PNLIPRP1: variants seen among roughly 807,000 people sequenced by gnomAD.
PNLIPRP1 encodes the protein inactive pancreatic lipase-related protein 1.
A neutral mutation model predicts 54.6 loss-of-function variants in PNLIPRP1; 57 were observed. The observed-to-expected ratio is 1.04, with a 90% CI of 0.84 to 1.30. The LOEUF (loss-of-function observed/expected upper bound fraction) is 1.30. PNLIPRP1 is among the 50% of genes most tolerant of loss of function. The pLI is 0.00. For missense variants in PNLIPRP1, 567 were observed against 568.5 expected (o/e 1.00, Z 0.03); for synonymous variants, 232 against 208.8 (o/e 1.11, Z -0.96).
Position 116,609,047 on chromosome 10 carries a change from C to T in PNLIPRP1, c.1341-6C>T. On this transcript the variant is annotated splice_region_variant and splice_polypyrimidine_tract_variant and intron_variant, in intron 12 of 12. Coordinates refer to ENST00000358834, the MANE Select transcript of PNLIPRP1 (RefSeq NM_006229.4). ...AAACTCTTACAAAGCTTCCTTTTCTCCCCAGGTACAACTTCTGTAGCGAAG... is the reference window on the plus strand; with the variant it reads ...AAACTCTTACAAAGCTTCCTTTTCTTCCCAGGTACAACTTCTGTAGCGAAG... 2 of 1,607,632 alleles carry T rather than the reference C, an allele frequency of 1.2e-6. No individual in the cohort carries two copies. The highest frequency in any genetic ancestry group is 2.2e-5 in the East Asian group (1 of 44,848).
chr10:116,602,968 GTATA>G lies in PNLIPRP1; in HGVS notation c.1064-1060_1064-1057del, dbSNP rs1337285901. Among the ~76,000 whole-genome samples the G allele has an allele frequency of 2.0e-5, 3 of 151,228 alleles. No homozygotes were observed. In the East Asian group the frequency reaches 5.8e-4, roughly 29 times the overall value. On this transcript the variant is annotated intron_variant, in intron 10 of 12. Transcript: ENST00000358834. ...GTGTGTGTGCACATGCACATGTTGT[GTATA>G]TGTATTTGTGTATGTGCACGCACAT...
intron 10 of PNLIPRP1, among the ~76,000 whole-genome samples, chr10:116,602,800 T>C (rs540587778): frequency 3.3e-5 from 5 of 152,374 alleles, no homozygotes; most frequent in Non-Finnish European, 7.3e-5. Context: ...TTTATATACG[T>C]ATGTATATGA....
chr10:116,593,028 T>G (rs1477494980), intron 4 of PNLIPRP1: 1 of 207,166 alleles, frequency 4.8e-6, no homozygotes, highest in Non-Finnish European at 9.8e-6. Context: ...ATCAGCCTGT[T>G]GTGGTGGCAG....
intron 5 of PNLIPRP1, chr10:116,595,653 G>A (rs986228193): frequency 6.5e-6 from 1 of 153,026 alleles, no homozygotes; most frequent in Non-Finnish European, 1.5e-5. Context: ...TTGTTCACCA[G>A]TACTTTTGGA....
chr10:116,600,953 C>T (rs1329434345), intron 9 of PNLIPRP1, 119 bp from the exon 10 acceptor site: 1 of 907,712 alleles, frequency 1.1e-6, no homozygotes, highest in Non-Finnish European at 1.7e-6. Flanking sequence ...GCTCCAACCC[C>T]TTTGTTGTCA....
At chr10:116,592,845 G>T (rs1847665163) in intron 4 of PNLIPRP1, 2 of 392,156 alleles carry the variant, frequency 5.1e-6, no homozygotes, top group Non-Finnish European at 9.8e-6. Flanking sequence ...GGACTATAGG[G>T]GTTTCTTTGT....
In PNLIPRP1 at chr10:116,608,975, A is replaced by C; in HGVS notation, c.1341-78A>C. On this transcript the variant is annotated intron_variant, in intron 12 of 12. Coordinates refer to ENST00000358834, the MANE Select transcript of PNLIPRP1 (RefSeq NM_006229.4). Reference sequence around the variant, plus strand: ...CTTAAGAAAAACCAAACCAAACCAAACCAAACCAAAACAAAACAAAACACC... The same window carrying C: ...CTTAAGAAAAACCAAACCAAACCAACCCAAACCAAAACAAAACAAAACACC... 1.9e-5 allele frequency: 23 copies of C among 1,180,468 alleles called. 1 individual carries two copies. In the South Asian group the frequency reaches 2.8e-4, roughly 14 times the overall value. The allele number at this position is 1,180,468 out of a possible 1,614,324, so 73.1% of individuals were successfully genotyped here.
In PNLIPRP1 at chr10:116,591,821, T is replaced by C; in HGVS notation, c.100T>C (p.Trp34Arg). ...CGGGTGCTTTTCTGACACTGAGCCC[T>C]GGGGCGGGACAGCAATCAGGCCCCT... Reference protein sequence around the residue: ...DLGCFSDTEPWGGTAIRPLKI... With the variant: ...DLGCFSDTEPRGGTAIRPLKI... The change falls in exon 3 of 13, where the codon TGG (tryptophan) becomes CGG (arginine). Residue 34 changes from tryptophan to arginine, a missense_variant. Transcript: ENST00000358834. The C allele has an allele frequency of 1.9e-6, 3 of 1,614,204 alleles. No homozygotes were observed. The highest frequency in any genetic ancestry group is 2.2e-5 in the East Asian group (1 of 44,880).
chr10:116,603,313 T>C (rs1332042690), intron 10 of PNLIPRP1, among the ~76,000 whole-genome samples: 1 of 152,200 alleles, frequency 6.6e-6, no homozygotes, highest in Admixed American at 6.5e-5. Flanking sequence ...CTCTTCACCT[T>C]ACCTTACTGT....
rs781968470 is a variant in PNLIPRP1, at chr10:116,605,386, G to A, written c.1173G>A (p.Arg391=). 3 of 1,565,666 alleles carry A rather than the reference G, an allele frequency of 1.9e-6. No individual in the cohort carries two copies. The highest frequency in any genetic ancestry group is 2.4e-5 in the South Asian group (2 of 83,732). ...GATGTTTATGTTTCTCTATTTCAAG[G>A]GGGATTCTCAAACCAGGCTCAACCC... ...KGNTHQYSIF[R]GILKPGSTHS... is the part of the protein sequence containing the mutation. Residue 391 remains arginine (R), a splice_region_variant and synonymous_variant, in exon 12 of 13, where the codon AGG becomes AGA. Coordinates refer to ENST00000358834, the MANE Select transcript of PNLIPRP1 (RefSeq NM_006229.4).
intron 8 of PNLIPRP1, among the ~76,000 whole-genome samples, chr10:116,599,505 T>C (rs1847795932): frequency 1.3e-5 from 2 of 152,134 alleles, no homozygotes; most frequent in African/African-American, 4.8e-5. Context: ...AGAGTGAAGC[T>C]CATACAAAAC....
intron 4 of PNLIPRP1, 55 bp downstream of exon 4, chr10:116,592,596 T>A: frequency 1.2e-6 from 2 of 1,605,728 alleles, no homozygotes; most frequent in Non-Finnish European, 1.7e-6. Context: ...TCTGCTAACA[T>A]CTCTGCATCA....
At chr10:116,601,245 AG>A in intron 10 of PNLIPRP1, 44 bp downstream of exon 10, 1 of 1,563,448 alleles carries the variant, frequency 6.4e-7, no homozygotes, top group Non-Finnish European at 8.7e-7. Context: ...GAAAGTATAT[AG>A]TTTCTGTTAC....
At chr10:116,595,069 T>A (rs1847712047) in intron 5 of PNLIPRP1, 5 of 568,942 alleles carry the variant, frequency 8.8e-6, no homozygotes, top group East Asian at 2.9e-5. Flanking sequence ...AGTGGTTTTT[T>A]AAAAATCATC....
chr10:116,600,911 T>C (rs916702312), intron 9 of PNLIPRP1, among the ~76,000 whole-genome samples, 161 bp from the exon 10 acceptor site: 16 of 152,238 alleles, frequency 1.1e-4, no homozygotes, highest in Non-Finnish European at 2.4e-4. Flanking sequence ...TTGGGAACCC[T>C]GATCCAGATG....
At chr10:116,595,007 T>C in intron 5 of PNLIPRP1, 143 bp downstream of exon 5, 1 of 1,054,312 alleles carries the variant, frequency 9.5e-7, no homozygotes, top group Non-Finnish European at 1.3e-6. Flanking sequence ...GAAATTTGCC[T>C]TCATAATGAC....
rs1554865960 is a variant in PNLIPRP1 at position 116,609,081 on chromosome 10, C to T, written c.1369C>T (p.Arg457Trp). 6.2e-7 allele frequency: 1 copy of T among 1,613,250 alleles called. No individual in the cohort carries two copies. ...CAACTTCTGTAGCGAAGACACAGTGCGGGAAGACACGCTGCTCACCCTCAC... is the reference window on the plus strand; with the variant it reads ...CAACTTCTGTAGCGAAGACACAGTGTGGGAAGACACGCTGCTCACCCTCAC... The part of the protein sequence containing the change: ...VYNFCSEDTV[R>W]EDTLLTLTPC The change falls in exon 13 of 13, where the codon CGG becomes TGG. Residue 457 changes from arginine to tryptophan, a missense_variant. Coordinates refer to ENST00000358834, the MANE Select transcript of PNLIPRP1 (RefSeq NM_006229.4).
chr10:116,604,681 CTTTTTT>C (rs1234478269), intron 11 of PNLIPRP1, among the ~76,000 whole-genome samples: 4 of 94,140 alleles, frequency 4.2e-5, no homozygotes, highest in Admixed American at 1.3e-4. Context: ...CTTTCTCTCT[CTTTTTT>C]TTTTTTTTTT....
At chr10:116,593,938 C>T (rs1589569634) in intron 4 of PNLIPRP1, 1 of 114,142 alleles carries the variant, frequency 8.8e-6, no homozygotes, top group Admixed American at 1.4e-4. Flanking sequence ...GCCTGGGCGA[C>T]AGAATGAGGC....
Sources: allele counts gnomAD v4.1 joint callset (sites outside exome capture counted in the v4.1 genomes callset), GRCh38; gene constraint gnomAD v4.1.1; transcripts MANE v1.5; gene names NCBI Gene and HGNC (gene_info 2026-07-23, HGNC 2026-07-21).